The following SEPTIN12 variants were observed in gnomAD, a reference collection of about 807,000 sequenced individuals.
The protein encoded by SEPTIN12 is septin 12, also known as septin-12.
In SEPTIN12, 42 loss-of-function variants were observed where a neutral mutation model predicts 37.7. That is an observed-to-expected ratio of 1.11 (90% CI 0.87 to 1.44). The LOEUF is 1.44. Among genes scored for constraint, SEPTIN12 ranks in the 40% most tolerant of loss-of-function variants. The pLI is 0.00. For missense variants in SEPTIN12, 613 were observed against 479.2 expected, an observed-to-expected ratio of 1.28 and a Z score of -2.61; for synonymous variants, 254 against 196.7, an observed-to-expected ratio of 1.29 and a Z score of -2.44.
chr16:4,781,543 C>T (rs1195487202), intron 7 of SEPTIN12, among the ~76,000 whole-genome samples: 1 of 152,050 alleles, frequency 6.6e-6, no homozygotes, highest in Non-Finnish European at 1.5e-5. Context: ...AATGGAATCC[C>T]ATAATACGTG....
In SEPTIN12 at chr16:4,787,630, G is replaced by T. The variant is rs374682577; in HGVS notation, c.16C>A (p.Arg6Ser). 1.3e-6 allele frequency: 2 copies of T among 1,590,202 alleles called. No individual in the cohort carries two copies. The highest frequency in any genetic ancestry group is 1.7e-6 in the Non-Finnish European group (2 of 1,171,404). The change falls in exon 2 of 10, where the codon CGC becomes AGC. Residue 6 changes from arginine to serine, a missense_variant. Transcript: ENST00000268231. ...GAGGACAGGCAGGGAGAGGGGGAGC[G>T]CCTCAGGGGGTCCATGGGGGCCAAG... MDPLR[R>S]SPSPCLSSQP...
At chr16:4,782,882 G>C (rs2082387529) in intron 7 of SEPTIN12, among the ~76,000 whole-genome samples, 1 of 151,506 alleles carries the variant, frequency 6.6e-6, no homozygotes, top group South Asian at 2.1e-4. Flanking sequence ...AGGGATTACA[G>C]GGCTGAGCCA....
In SEPTIN12 at chr16:4,787,573, C is replaced by T. The variant is rs13330140; in HGVS notation, c.73G>A (p.Glu25Lys). Residue 25 changes from glutamate to lysine, a missense_variant, in exon 2 of 10, where the codon GAG becomes AAG. Glu to Lys is a moderately conservative substitution (Grantham distance 56). Coordinates refer to ENST00000268231, the MANE Select transcript of SEPTIN12 (RefSeq NM_144605.5). ...TCAATGCCCACAGGACCAAGCATCT[C>T]GCAGGGTGGGGTGCTGGGGCTGGAG... is the stretch of plus-strand genomic sequence containing the variant. ...QPSSPSTPPC[E>K]MLGPVGIEAV... is the part of the protein sequence containing the mutation. The T allele has an allele frequency of 2.7e-4, 434 of 1,610,260 alleles. 2 individuals are homozygous for T. In the African/African-American group the frequency reaches 4.4e-3, roughly 16 times the overall value.
rs1212123285 is a variant in SEPTIN12, at chr16:4,783,678, T to C, written c.601A>G (p.Met201Val). The C allele has an allele frequency of 6.2e-6, 10 of 1,613,968 alleles. No homozygotes were observed. In the East Asian group the frequency reaches 1.8e-4, roughly 29 times the overall value. The part of the protein sequence containing the change: ...PVIARADSLT[M>V]EEREAFRRRI... The stretch of plus-strand genomic sequence containing the variant: ...CGCCTGAAGGCCTCTCGCTCCTCCA[T>C]GGTCAGGCTGTCGGCCCTGGCAATC... The change falls in exon 6 of 10, where the codon ATG (methionine) becomes GTG (valine). Residue 201 changes from methionine (M) to valine (V), a missense_variant. Coordinates refer to ENST00000268231, the MANE Select transcript of SEPTIN12 (RefSeq NM_144605.5).
At position 4,777,655 on chromosome 16, in the gene SEPTIN12, A is replaced by T. The variant is rs932624669; in HGVS notation, c.*142T>A. The T allele has an allele frequency of 3.0e-6, 2 of 670,368 alleles. No individual in the cohort carries two copies. Among genetic ancestry groups the T allele is most frequent in the African/African-American group, 1.8e-5 (1 of 55,152 alleles). 41.5% of individuals were successfully genotyped at this position (670,368 alleles called of 1,614,324 possible). On this transcript the variant is annotated 3_prime_UTR_variant, in exon 10 of 10. Coordinates refer to ENST00000268231, the MANE Select transcript of SEPTIN12 (RefSeq NM_144605.5). ...TATTTGTGGATAGCTCAAAGAAGTC[A>T]TTTACAAAATGCCTTTTGTTTTCAA...
chr16:4,779,655 C>T (rs2082351047), intron 8 of SEPTIN12, 35 bp downstream of exon 8: 8 of 1,352,490 alleles, frequency 5.9e-6, no homozygotes, highest in Non-Finnish European at 8.5e-6. Context: ...CCAAACTGAC[C>T]CCACCTGCAT....
chr16:4,789,198 G>C (rs1263871616), upstream of SEPTIN12, among the ~76,000 whole-genome samples: 1 of 152,116 alleles, frequency 6.6e-6, no homozygotes, highest in East Asian at 1.9e-4. Flanking sequence ...TTTTAGTAGA[G>C]AAGGGGTTTC....
chr16:4,784,193 T>C (rs940275408), intron 4 of SEPTIN12, 125 bp from the exon 5 acceptor site: 15 of 1,066,364 alleles, frequency 1.4e-5, no homozygotes, highest in Non-Finnish European at 2.1e-5. Context: ...GCCCGGGACC[T>C]GTGGGTCACC....
chr16:4,791,281 T>G (rs541414482), upstream of SEPTIN12, among the ~76,000 whole-genome samples: 5 of 151,990 alleles, frequency 3.3e-5, no homozygotes, highest in Admixed American at 3.3e-4. Context: ...CCCGGTGGTG[T>G]TGACTGGCAA....
At chr16:4,779,415 G>A (rs1489272443) in intron 8 of SEPTIN12, among the ~76,000 whole-genome samples, 8 of 152,188 alleles carry the variant, frequency 5.3e-5, no homozygotes, top group Non-Finnish European at 1.2e-4. Flanking sequence ...GGCAGCCTTG[G>A]GTATTGGGCA....
chr16:4,786,583 C>T (rs2082453243), intron 2 of SEPTIN12, among the ~76,000 whole-genome samples: 1 of 151,512 alleles, frequency 6.6e-6, no homozygotes. Context: ...TCTTGATTTC[C>T]TGACCTCATG....
chr16:4,791,451 G>C (rs1402042754), upstream of SEPTIN12, among the ~76,000 whole-genome samples: 2 of 152,170 alleles, frequency 1.3e-5, no homozygotes, highest in Admixed American at 6.6e-5. Flanking sequence ...TCGATGATCA[G>C]TTCATTTCAT....
Position 4,777,619 on chromosome 16 carries a change from C to T in SEPTIN12, c.*178G>A. ...CTCCAGCCTGGGTAACAGAGTGACA[C>T]CCAGCCTTTTTATTTGTGGATAGCT... On this transcript the variant is annotated 3_prime_UTR_variant, in exon 10 of 10. Transcript: ENST00000268231. 3.4e-6 allele frequency: 2 copies of T among 585,762 alleles called. No homozygotes were observed. The highest frequency in any genetic ancestry group is 2.4e-5 in the South Asian group (1 of 41,688). The allele number at this position is 585,762 out of a possible 1,614,324, so 36.3% of individuals were successfully genotyped here. A position where few individuals can be genotyped will look rare whatever the true frequency, so the allele number is the denominator to read the frequency against.
chr16:4,779,300 G>T (rs1337702022), intron 8 of SEPTIN12, among the ~76,000 whole-genome samples: 1 of 152,072 alleles, frequency 6.6e-6, no homozygotes, highest in Non-Finnish European at 1.5e-5. Flanking sequence ...CAGCTCTATG[G>T]GGACAGGGAC....
upstream of SEPTIN12, among the ~76,000 whole-genome samples, chr16:4,789,274 A>C (rs1406189233): frequency 1.3e-5 from 2 of 151,440 alleles, no homozygotes; most frequent in Non-Finnish European, 2.9e-5. Flanking sequence ...GGTCTCCCAA[A>C]GTGTTGGGAT....
In SEPTIN12 at chr16:4,786,098, G is replaced by A. The variant is rs763596107; in HGVS notation, c.174C>T (p.Ser58=). 21 of 1,605,130 alleles carry A rather than the reference G, an allele frequency of 1.3e-5. No individual in the cohort carries two copies. The highest frequency in any genetic ancestry group is 4.0e-5 in the African/African-American group (3 of 74,716). Residue 58 remains serine, a synonymous_variant, in exon 3 of 10, where the codon AGC becomes AGT. Coordinates refer to ENST00000268231, the MANE Select transcript of SEPTIN12 (RefSeq NM_144605.5). The part of the protein sequence containing the change: ...FEFNIMVVGQ[S]GLGKSTMVNT... ...TCACCATCGTGGACTTGCCCAGCCC[G>A]CTTTGCCCTGGGAGTGGCAACCGGA...
In SEPTIN12 at chr16:4,785,882, T is replaced by C; in HGVS notation, c.299A>G (p.Glu100Gly). 1 of 1,609,878 alleles carries C rather than the reference T, an allele frequency of 6.2e-7. No homozygotes were observed. The highest frequency in any genetic ancestry group is 8.5e-7 in the Non-Finnish European group (1 of 1,178,312). Residue 100 changes from glutamate to glycine, a missense_variant, in exon 4 of 10, where the codon GAG (glutamate) becomes GGG (glycine). By Grantham distance (98) the Glu-to-Gly change is moderately conservative (BLOSUM62 -2). Transcript: ENST00000268231. ...LQLHSLTHVI[E>G]EKGVKLKLTV... is the part of the protein sequence containing the mutation. ...CAGCTTCAGCTTCACACCCTTCTCC[T>C]CTATGACTGTGGAGGGAGAGCAGAG...
At chr16:4,789,823 T>G (rs2082522601), upstream of SEPTIN12, 1 of 152,238 alleles carries the variant, frequency 6.6e-6, no homozygotes. Flanking sequence ...TCCTGGTACT[T>G]GACTTCACAA....
chr16:4,791,345 G>T (rs879488913), upstream of SEPTIN12, among the ~76,000 whole-genome samples: 5 of 152,334 alleles, frequency 3.3e-5, no homozygotes, highest in Non-Finnish European at 5.9e-5. Context: ...GAGGACAAAA[G>T]CCTGGATGGA....
Sources: allele counts gnomAD v4.1 joint callset (sites outside exome capture counted in the v4.1 genomes callset), GRCh38; gene constraint gnomAD v4.1.1; transcripts MANE v1.5; gene names NCBI Gene and HGNC (gene_info 2026-07-23, HGNC 2026-07-21).